The following PCDHGB3 variants were observed in gnomAD, a reference collection of about 807,000 sequenced individuals.
The protein encoded by PCDHGB3 is protocadherin gamma subfamily B, 3.
PCDHGB3 carries 40 observed loss-of-function variants against 59.2 expected under a neutral mutation model. The observed-to-expected ratio is 0.68, with a 90% CI of 0.52 to 0.88. The LOEUF is 0.88. Ranked by LOEUF, PCDHGB3 falls within the 40% of genes least tolerant of loss-of-function variation. The probability of loss-of-function intolerance (pLI) is 0.00; values close to 1 mark genes in which losing one functional copy is unlikely to be tolerated. For missense variants in PCDHGB3, 1,309 were observed against 1,187.9 expected, an observed-to-expected ratio of 1.10 and a Z score of -1.50; for synonymous variants, 581 against 503.6, an observed-to-expected ratio of 1.15 and a Z score of -2.06.
Position 141,376,289 on chromosome 5 carries a change from C to G in PCDHGB3, c.2415+3480C>G, listed in dbSNP as rs778496260. 2.5e-6 allele frequency: 4 copies of G among 1,614,176 alleles called. No individual in the cohort carries two copies. Among genetic ancestry groups the G allele is most frequent in the African/African-American group, 2.7e-5 (2 of 75,056 alleles). ...TTCGGGAGGTGGCTTAGCGAGCATG[C>G]CCGGCTCGCACTTTGTGGGCGTGGA... On this transcript the variant is annotated intron_variant, in intron 1 of 3. Coordinates refer to ENST00000576222, the MANE Select transcript of PCDHGB3 (RefSeq NM_018924.5).
At chr5:141,390,237 G>A (rs748278212) in intron 1 of PCDHGB3, 2 of 1,614,004 alleles carry the variant, frequency 1.2e-6, no homozygotes, top group Non-Finnish European at 1.7e-6. Flanking sequence ...TTCATCTGGG[G>A]CCTTATTTCC....
At position 141,432,025 on chromosome 5, in the gene PCDHGB3, G is replaced by C. The variant is rs768627576; in HGVS notation, c.2415+59216G>C. 2 of 1,614,158 alleles carry C rather than the reference G, an allele frequency of 1.2e-6. No homozygotes were observed. The highest frequency in any genetic ancestry group is 3.3e-4 in the Middle Eastern group (2 of 6,062). ...AGGTTCCTAGCTACAACATCACAGTGACCGCCACTGACCGGGGAACCCCGC... is the reference window on the plus strand; with the variant it reads ...AGGTTCCTAGCTACAACATCACAGTCACCGCCACTGACCGGGGAACCCCGC... On this transcript the variant is annotated intron_variant, in intron 1 of 3. Transcript: ENST00000576222. The surrounding 1 kb of genome is among the most constrained non-coding windows in gnomAD (Gnocchi z 6.0).
chr5:141,393,735 G>T, intron 1 of PCDHGB3: 1 of 1,613,858 alleles, frequency 6.2e-7, no homozygotes, highest in Non-Finnish European at 8.5e-7. Context: ...AAAAAGTCTA[G>T]ATTATGAAGA....
At chr5:141,466,898 A>G (rs1029507733) in intron 1 of PCDHGB3, among the ~76,000 whole-genome samples, 1 of 152,170 alleles carries the variant, frequency 6.6e-6, no homozygotes, top group African/African-American at 2.4e-5. Context: ...TTTTCCATGA[A>G]GTTTTTGAAA....
chr5:141,473,017 A>AGAAG (rs1484773075), intron 1 of PCDHGB3, among the ~76,000 whole-genome samples: 3 of 151,764 alleles, frequency 2.0e-5, no homozygotes, highest in African/African-American at 4.8e-5. Flanking sequence ...AGAAAAAGAA[A>AGAAG]GAAGGAAGGA....
chr5:141,473,116 G>A (rs966472502), intron 1 of PCDHGB3, among the ~76,000 whole-genome samples: 19 of 152,114 alleles, frequency 1.2e-4, no homozygotes, highest in African/African-American at 4.6e-4. Context: ...ACTTTACTTG[G>A]CTCTTTGGCA....
Position 141,489,316 on chromosome 5 carries a change from T to C in PCDHGB3, c.2416-5491T>C, listed in dbSNP as rs2099685399. On this transcript the variant is annotated intron_variant, in intron 1 of 3. Transcript: ENST00000576222. This position sits in a 1 kb window ranked among gnomAD's most constrained non-coding sequence, Gnocchi z 4.5. The stretch of plus-strand genomic sequence containing the variant: ...CATGTTGTCCTTGTGCTGCTGGGGC[T>C]GGGTGTCTGGGCAGCTTCGTTACTC... The C allele has an allele frequency of 1.3e-6, 2 of 1,597,946 alleles. No individual in the cohort carries two copies. Among genetic ancestry groups the C allele is most frequent in the Admixed American group, 1.7e-5 (1 of 58,864 alleles).
At chr5:141,436,074 G>A (rs1048063491) in intron 1 of PCDHGB3, among the ~76,000 whole-genome samples, 3 of 152,058 alleles carry the variant, frequency 2.0e-5, no homozygotes, top group Non-Finnish European at 4.4e-5. Context: ...TAAGTACAGT[G>A]TTCTATAGGT....
Position 141,485,955 on chromosome 5 carries a change from T to C in PCDHGB3, c.2416-8852T>C. 1 of 1,614,152 alleles carries C rather than the reference T, an allele frequency of 6.2e-7. No homozygotes were observed. Among genetic ancestry groups the C allele is most frequent in the Non-Finnish European group, 8.5e-7 (1 of 1,180,018 alleles). On this transcript the variant is annotated intron_variant, in intron 1 of 3. Transcript: ENST00000576222. This position sits in a 1 kb window ranked among gnomAD's most constrained non-coding sequence, Gnocchi z 5.7. ...GAGAGCGCACCAGCGGGCATGGTGC[T>C]CATCCAGCTCAATGCCTCAGACCCG...
At chr5:141,400,178 T>G in intron 1 of PCDHGB3, 1 of 1,614,074 alleles carries the variant, frequency 6.2e-7, no homozygotes, top group Non-Finnish European at 8.5e-7. Context: ...CAGGCTGAGC[T>G]GCAGTTTTAC....
chr5:141,440,075 T>C (rs2098148518), intron 1 of PCDHGB3: 1 of 152,428 alleles, frequency 6.6e-6, no homozygotes, highest in Non-Finnish European at 1.5e-5. Flanking sequence ...TGAGGAATAA[T>C]ACTTCATTCT....
chr5:141,394,508 C>A (rs776107587), intron 1 of PCDHGB3: 3 of 1,614,104 alleles, frequency 1.9e-6, no homozygotes, highest in Non-Finnish European at 2.5e-6. Context: ...TCCTGTACCC[C>A]GCCCTCCCCA....
At chr5:141,443,615 C>T (rs1430581477) in intron 1 of PCDHGB3, among the ~76,000 whole-genome samples, 3 of 152,198 alleles carry the variant, frequency 2.0e-5, no homozygotes, top group Non-Finnish European at 4.4e-5. Flanking sequence ...TTCTTATAAT[C>T]AGGTGATTGT....
chr5:141,506,380 T>C (rs1209879935), intron 3 of PCDHGB3, among the ~76,000 whole-genome samples: 1 of 141,314 alleles, frequency 7.1e-6, no homozygotes, highest in Non-Finnish European at 1.5e-5. Flanking sequence ...ACCTGGGAGG[T>C]GGCTGTGGTG....
chr5:141,439,131 T>A (rs2098090046), intron 1 of PCDHGB3, among the ~76,000 whole-genome samples: 1 of 150,502 alleles, frequency 6.6e-6, no homozygotes, highest in Non-Finnish European at 1.5e-5. Flanking sequence ...AGACAGAGGT[T>A]GCAGTGAGCT....
intron 1 of PCDHGB3, chr5:141,405,569 A>G: frequency 1.7e-6 from 1 of 604,184 alleles, no homozygotes. Context: ...GGACTAGAGT[A>G]GAGTAGCTGG....
Position 141,372,252 on chromosome 5 carries a change from G to A in PCDHGB3, c.1858G>A (p.Gly620Ser), listed in dbSNP as rs768560692. The A allele has an allele frequency of 2.5e-6, 4 of 1,613,140 alleles. No individual in the cohort carries two copies. The highest frequency in any genetic ancestry group is 1.7e-5 in the Admixed American group (1 of 60,006). The change falls in exon 1 of 4, where the codon GGC (glycine) becomes AGC (serine). Residue 620 changes from glycine (G) to serine (S), a missense_variant. By Grantham distance (56) the Gly-to-Ser change is moderately conservative. Transcript: ENST00000576222. ...QASEPGLFSL[G>S]LRTGEVRTAR... ...CAGCGAGCCCGGGCTGTTCAGCCTGGGCCTGCGCACGGGTGAGGTGCGCAC... is the reference window on the plus strand; with the variant it reads ...CAGCGAGCCCGGGCTGTTCAGCCTGAGCCTGCGCACGGGTGAGGTGCGCAC...
At chr5:141,435,050 C>A (rs2154556494) in intron 1 of PCDHGB3, among the ~76,000 whole-genome samples, 1 of 151,994 alleles carries the variant, frequency 6.6e-6, no homozygotes, top group East Asian at 1.9e-4. Flanking sequence ...TCCCATTGAC[C>A]ATGCAGCAGT....
rs563283218 is a variant in PCDHGB3, at chr5:141,431,573, G to A, written c.2415+58764G>A. On this transcript the variant is annotated intron_variant, in intron 1 of 3. Coordinates refer to ENST00000576222, the MANE Select transcript of PCDHGB3 (RefSeq NM_018924.5). This position sits in a 1 kb window ranked among gnomAD's most constrained non-coding sequence, Gnocchi z 4.8. ...AGTCAACGCTACCGACCCTGACGAA[G>A]GAGTCAATGCGGAAGTGAGGTATTC... 5.6e-6 allele frequency: 9 copies of A among 1,614,186 alleles called. No homozygotes were observed. The South Asian group carries it at 8.8e-5, about 16-fold the overall frequency.
Sources: gnomAD v4.1 joint callset for allele counts (sites outside exome capture counted in the v4.1 genomes callset) on GRCh38, gnomAD v4.1.1 for gene constraint, Gnocchi (gnomAD v3.1) non-coding constraint, MANE v1.5 for transcripts, NCBI Gene and HGNC (gene_info 2026-07-23, HGNC 2026-07-21) for gene names.